Variants in CDH3 observed in about 807,000 individuals in gnomAD.
The protein encoded by CDH3 is cadherin 3.
CDH3 carries 54 observed loss-of-function variants against 82.0 expected under a neutral mutation model. The ratio of observed to expected loss-of-function variants is 0.66; its 90% confidence interval spans 0.53 to 0.83. The LOEUF (loss-of-function observed/expected upper bound fraction) is 0.83. Among genes scored for constraint, CDH3 ranks in the 40% least tolerant of loss-of-function variants. The pLI is 0.00. For synonymous variants in CDH3, 446 were observed against 437.9 expected (o/e 1.02, Z -0.23); for missense variants, 1,054 against 1,084.6 (o/e 0.97, Z 0.40).
intron 1 of CDH3, among the ~76,000 whole-genome samples, chr16:68,714,070 A>G (rs1384850804): frequency 6.6e-6 from 1 of 151,970 alleles, no homozygotes; most frequent in Non-Finnish European, 1.5e-5. Context: ...AGTAGCTGGG[A>G]TTACAGGTAC....
rs1195535189 is a variant in CDH3 at position 68,687,708 on chromosome 16, C to G, written c.1767C>G (p.Ile589Met). 1 of 1,613,886 alleles carries G rather than the reference C, an allele frequency of 6.2e-7. No homozygotes were observed. The change falls in exon 12 of 16, where the codon ATC (isoleucine) becomes ATG (methionine). Residue 589 changes from isoleucine (I) to methionine (M), a missense_variant. Coordinates refer to ENST00000264012, the MANE Select transcript of CDH3 (RefSeq NM_001793.6). ...FQAQLTDDSD[I>M]YWTAEVNEEG... is the part of the protein sequence containing the mutation. ...CCCAGCTCACAGATGACTCAGACATCTACTGGACGGCAGAGGTCAACGAGG... is the reference window on the plus strand; with the variant it reads ...CCCAGCTCACAGATGACTCAGACATGTACTGGACGGCAGAGGTCAACGAGG...
chr16:68,668,318 G>A (rs771121458), intron 2 of CDH3, among the ~76,000 whole-genome samples: 52 of 152,324 alleles, frequency 3.4e-4, no homozygotes, highest in Middle Eastern at 6.8e-3. Context: ...GTGGAACCAT[G>A]CTGCAGTTAG....
downstream of CDH3, among the ~76,000 whole-genome samples, chr16:68,728,009 A>G (rs1962236882): frequency 6.6e-6 from 1 of 152,176 alleles, no homozygotes. Flanking sequence ...ACTATAGTGC[A>G]CTCCAATAAA....
chr16:68,668,197 C>CAATTT (rs1192633490), intron 2 of CDH3, among the ~76,000 whole-genome samples: 1 of 152,136 alleles, frequency 6.6e-6, no homozygotes, highest in Non-Finnish European at 1.5e-5. Context: ...TTTCATTTTC[C>CAATTT]AGCCTTAAAT....
intron 2 of CDH3, among the ~76,000 whole-genome samples, chr16:68,725,425 C>T (rs1962209126): frequency 6.6e-6 from 1 of 152,012 alleles, no homozygotes; most frequent in Non-Finnish European, 1.5e-5. Flanking sequence ...GCTCTGCCTC[C>T]AGGGTTCACG....
intron 2 of CDH3, among the ~76,000 whole-genome samples, chr16:68,650,381 C>T (rs559002564): frequency 2.0e-5 from 3 of 152,262 alleles, no homozygotes; most frequent in African/African-American, 4.8e-5. Context: ...CTCGGCTCAC[C>T]GCAACCTCCA....
intron 13 of CDH3, among the ~76,000 whole-genome samples, chr16:68,693,236 GC>G (rs1567456235): frequency 1.3e-5 from 2 of 152,312 alleles, no homozygotes; most frequent in South Asian, 4.1e-4. Flanking sequence ...AAGGTTTTGA[GC>G]AGAGGGGTGA....
Position 68,651,871 on chromosome 16 carries a change from G to A in CDH3, c.160+6121G>A, listed in dbSNP as rs747807088. 3.4e-4 allele frequency: 155 copies of A among 458,704 alleles called. 1 individual carries two copies. The highest frequency in any genetic ancestry group is 7.2e-4 in the Admixed American group (29 of 40,106). 28.4% of individuals were successfully genotyped at this position (458,704 alleles called of 1,614,324 possible). On this transcript the variant is annotated intron_variant, in intron 2 of 15. Transcript: ENST00000264012. ...CAGCTGTGGAGCTCTGCCTCCTTCTGGGGGTCATATCTGGACAGGAGCCGG... is the reference window on the plus strand; with the variant it reads ...CAGCTGTGGAGCTCTGCCTCCTTCTAGGGGTCATATCTGGACAGGAGCCGG...
chr16:68,670,223 C>CAAAAAA (rs71148932), intron 2 of CDH3, among the ~76,000 whole-genome samples: 10 of 91,006 alleles, frequency 1.1e-4, no homozygotes, highest in Admixed American at 3.7e-4. Context: ...GACTCTGTCT[C>CAAAAAA]AAAAAAAAAA....
In CDH3 at chr16:68,698,561, T is replaced by A. The variant is rs1042828242; in HGVS notation, c.*161T>A. The A allele has an allele frequency of 1.1e-5, 7 of 642,266 alleles. No homozygotes were observed. In the African/African-American group the frequency reaches 1.3e-4, roughly 12 times the overall value. 39.8% of individuals were successfully genotyped at this position (642,266 alleles called of 1,614,324 possible). A position where few individuals can be genotyped will look rare whatever the true frequency, so the allele number is the denominator to read the frequency against. On this transcript the variant is annotated 3_prime_UTR_variant, in exon 16 of 16. Coordinates refer to ENST00000264012, the MANE Select transcript of CDH3 (RefSeq NM_001793.6). ...GTCTGACGTTAGAGTGGTGGCTTCC[T>A]TAGCCTTTCAGGATGGAGGAATGTG...
chr16:68,690,290 C>G (rs1303768658), intron 12 of CDH3, among the ~76,000 whole-genome samples: 2 of 152,228 alleles, frequency 1.3e-5, no homozygotes, highest in African/African-American at 4.8e-5. Context: ...AACATTAGCA[C>G]TTACATAACC....
intron 12 of CDH3, among the ~76,000 whole-genome samples, chr16:68,688,051 G>T (rs188069184): frequency 6.0e-5 from 9 of 151,230 alleles, no homozygotes; most frequent in African/African-American, 1.9e-4. Context: ...TGTTGGCTAC[G>T]ATCACTGTGC....
In CDH3 at chr16:68,699,627, G is replaced by T. The variant is rs1404759202; in HGVS notation, c.*1227G>T. On this transcript the variant is annotated 3_prime_UTR_variant, in exon 16 of 16. Coordinates refer to ENST00000264012, the MANE Select transcript of CDH3 (RefSeq NM_001793.6). ...GCCTCCCGAGTAGCTGGGACTACAG[G>T]TGCCTGCCACTATGCCCAGCTAATT... 1 of 152,194 alleles carries T rather than the reference G, an allele frequency of 6.6e-6. No homozygotes were observed. Among genetic ancestry groups the T allele is most frequent in the African/African-American group, 2.4e-5 (1 of 41,422 alleles). 9.4% of individuals were successfully genotyped at this position (152,194 alleles called of 1,614,324 possible).
intron 3 of CDH3, among the ~76,000 whole-genome samples, chr16:68,677,070 AT>A (rs1379794569): frequency 6.6e-6 from 1 of 152,124 alleles, no homozygotes; most frequent in Non-Finnish European, 1.5e-5. Context: ...CATGTGTTAC[AT>A]ATTTATTTAT....
chr16:68,697,835 G>A (rs1961775031), intron 15 of CDH3, among the ~76,000 whole-genome samples: 1 of 152,042 alleles, frequency 6.6e-6, no homozygotes, highest in Admixed American at 6.6e-5. Context: ...TGTGTCACAG[G>A]CATGCATCCT....
intron 12 of CDH3, among the ~76,000 whole-genome samples, chr16:68,688,908 C>T (rs1167510335): frequency 6.6e-6 from 1 of 152,192 alleles, no homozygotes; most frequent in East Asian, 1.9e-4. Flanking sequence ...GCATGAGCCA[C>T]CACACCTGGC....
At chr16:68,686,346 A>G in intron 11 of CDH3, 2 of 1,000,666 alleles carry the variant, frequency 2.0e-6, no homozygotes, top group Non-Finnish European at 3.2e-6. Flanking sequence ...GCGCTACACA[A>G]GAGCAGAGTA....
chr16:68,712,037 CTTT>C (rs58452743), intron 1 of CDH3, among the ~76,000 whole-genome samples: 31 of 119,404 alleles, frequency 2.6e-4, no homozygotes, highest in African/African-American at 8.2e-4. Context: ...TTTTTGTTTT[CTTT>C]TTTTTTTTTT....
At chr16:68,673,985 C>G (rs745567244) in intron 2 of CDH3, among the ~76,000 whole-genome samples, 10 of 152,160 alleles carry the variant, frequency 6.6e-5, no homozygotes, top group African/African-American at 9.7e-5. Flanking sequence ...ATGAATAACA[C>G]TGCTGTAAAA....
Sources: allele counts gnomAD v4.1 joint callset (sites outside exome capture counted in the v4.1 genomes callset), GRCh38; gene constraint gnomAD v4.1.1; transcripts MANE v1.5; gene names NCBI Gene and HGNC (gene_info 2026-07-23, HGNC 2026-07-21).